The following CDH15 variants were observed in gnomAD, a reference collection of about 807,000 sequenced individuals.
CDH15 encodes the protein cadherin-15.
CDH15 carries 73 observed loss-of-function variants against 69.4 expected under a neutral mutation model. The observed-to-expected ratio is 1.05, with a 90% CI of 0.87 to 1.28. The LOEUF (loss-of-function observed/expected upper bound fraction) is 1.28, where lower values mean the gene tolerates loss of function less well. CDH15 is among the 50% of genes most tolerant of loss of function. CDH15 has a pLI of 0.00. For synonymous variants in CDH15, 624 were observed against 507.7 expected, an observed-to-expected ratio of 1.23 and a Z score of -3.08; for missense variants, 1,343 against 1,133.6, an observed-to-expected ratio of 1.18 and a Z score of -2.65.
In CDH15 at chr16:89,195,379, G is replaced by A. The variant is rs1470043849; in HGVS notation, c.*224G>A. The A allele has an allele frequency of 3.5e-5, 20 of 576,754 alleles. No homozygotes were observed. Among genetic ancestry groups the A allele is most frequent in the Non-Finnish European group, 5.2e-5 (17 of 326,534 alleles). 35.7% of individuals were successfully genotyped at this position (576,754 alleles called of 1,614,324 possible). A position where few individuals can be genotyped will look rare whatever the true frequency, so the allele number is the denominator to read the frequency against. On this transcript the variant is annotated 3_prime_UTR_variant, in exon 14 of 14. Coordinates refer to ENST00000289746, the MANE Select transcript of CDH15 (RefSeq NM_004933.3). Reference sequence around the variant, plus strand: ...GAGTTTCTCTCCATCGGCCCCATGCGGGTCACCTCCCTAGTCCCACCTTTG... The same window carrying A: ...GAGTTTCTCTCCATCGGCCCCATGCAGGTCACCTCCCTAGTCCCACCTTTG...
chr16:89,185,142 G>A (rs748564436), intron 4 of CDH15, 31 bp from the exon 5 acceptor site: 100 of 1,567,516 alleles, frequency 6.4e-5, no homozygotes, highest in Middle Eastern at 1.7e-4. Context: ...CCCTGTGGAC[G>A]TTGGCCCTCA....
At chr16:89,180,744 G>A (rs1374605807) in intron 3 of CDH15, among the ~76,000 whole-genome samples, 3 of 152,144 alleles carry the variant, frequency 2.0e-5, no homozygotes, top group Non-Finnish European at 4.4e-5. Context: ...TTGTTTTTGA[G>A]ATGGAGTCTC....
intron 3 of CDH15, 80 bp from the exon 4 acceptor site, chr16:89,183,468 C>G: frequency 6.6e-7 from 1 of 1,514,914 alleles, no homozygotes. Context: ...TCTGAACGTG[C>G]TGTCTCTTTC....
chr16:89,194,021 C>G (rs1387265379), intron 13 of CDH15, 108 bp downstream of exon 13: 1 of 1,250,848 alleles, frequency 8.0e-7, no homozygotes, highest in East Asian at 2.5e-5. Context: ...CCTGCATGCA[C>G]TTATGGGCCG....
chr16:89,184,891 C>A (rs935153223), intron 4 of CDH15, among the ~76,000 whole-genome samples: 1 of 152,244 alleles, frequency 6.6e-6, no homozygotes, highest in African/African-American at 2.4e-5. Context: ...TGTGCTCCGA[C>A]CCCATAAACA....
chr16:89,191,264 T>A, intron 8 of CDH15, 66 bp from the exon 9 acceptor site: 1 of 1,598,322 alleles, frequency 6.3e-7, no homozygotes, highest in Non-Finnish European at 8.6e-7. Flanking sequence ...CACGCACCCA[T>A]ACCTGACCAC....
At chr16:89,179,253 C>CA (rs1010630145) in intron 1 of CDH15, among the ~76,000 whole-genome samples, 163 bp from the exon 2 acceptor site, 7 of 152,230 alleles carry the variant, frequency 4.6e-5, no homozygotes, top group African/African-American at 1.7e-4. Flanking sequence ...TTGTGCTACG[C>CA]AGCCCCGTGT....
At chr16:89,191,519 G>T in intron 9 of CDH15, 47 bp downstream of exon 9, 1 of 1,605,600 alleles carries the variant, frequency 6.2e-7, no homozygotes, top group Non-Finnish European at 8.5e-7. Flanking sequence ...GCCTTGTCCC[G>T]GCTGAGCACC....
Position 89,192,310 on chromosome 16 carries a change from C to T in CDH15, c.1721C>T (p.Pro574Leu). 6.5e-7 allele frequency: 1 copy of T among 1,535,010 alleles called. No individual in the cohort carries two copies. Among genetic ancestry groups the T allele is most frequent in the South Asian group, 1.2e-5 (1 of 84,076 alleles). Residue 574 changes from proline (P) to leucine (L), a missense_variant, in exon 11 of 14, where the codon CCT becomes CTT. Coordinates refer to ENST00000289746, the MANE Select transcript of CDH15 (RefSeq NM_004933.3). ...SGQPPQQREQPLNVTVCRCGK... is the reference protein window; with the variant it reads ...SGQPPQQREQLLNVTVCRCGK... ...CAGCCGCCCCAGCAGCGCGAGCAGC[C>T]TCTGAACGTGACCGTGTGCCGCTGC...
At chr16:89,181,937 C>CAA (rs762790930) in intron 3 of CDH15, among the ~76,000 whole-genome samples, 3 of 92,884 alleles carry the variant, frequency 3.2e-5, no homozygotes. Flanking sequence ...GACTCTGTCT[C>CAA]AAAAAAAAAA....
chr16:89,191,320 C>T lies in CDH15; in HGVS notation c.1233-10C>T, dbSNP rs752661243. On this transcript the variant is annotated splice_polypyrimidine_tract_variant and intron_variant, in intron 8 of 13. Coordinates refer to ENST00000289746, the MANE Select transcript of CDH15 (RefSeq NM_004933.3). ...AACTCAGATCCCACTCTTCCCCTCC[C>T]CTGCATCAGCTACTCCAAGGACTAC... The T allele has an allele frequency of 1.2e-6, 2 of 1,612,678 alleles. No individual in the cohort carries two copies. The highest frequency in any genetic ancestry group is 1.7e-6 in the Non-Finnish European group (2 of 1,180,004).
intron 8 of CDH15, among the ~76,000 whole-genome samples, chr16:89,190,937 C>T (rs1330844838): frequency 6.6e-6 from 1 of 152,188 alleles, no homozygotes; most frequent in African/African-American, 2.4e-5. Flanking sequence ...AGTTTCCTCA[C>T]CTCACAGAAG....
In CDH15 at chr16:89,189,333, A is replaced by G. The variant is rs375609464; in HGVS notation, c.979-910A>G. Among the ~76,000 whole-genome samples the G allele has an allele frequency of 6.4e-3, 756 of 118,448 alleles. 1 individual carries two copies. The highest frequency in any genetic ancestry group is 8.5e-3 in the Non-Finnish European group (422 of 49,676). The allele number at this position is 118,448 out of a possible 152,430, so 77.7% of individuals were successfully genotyped here. A position where few individuals can be genotyped will look rare whatever the true frequency, so the allele number is the denominator to read the frequency against. On this transcript the variant is annotated intron_variant, in intron 7 of 13. Coordinates refer to ENST00000289746, the MANE Select transcript of CDH15 (RefSeq NM_004933.3). ...TGCCGGCACACACACATGCCGGCAC[A>G]CACAGATGCCCACACACAGATGCCG...
chr16:89,186,860 CGCTT>C (rs762374837), intron 5 of CDH15, among the ~76,000 whole-genome samples: 235 of 146,938 alleles, frequency 1.6e-3, no homozygotes, highest in Non-Finnish European at 2.6e-3. Flanking sequence ...GCTCTGTAAA[CGCTT>C]ACCCAGCGCA....
intron 3 of CDH15, among the ~76,000 whole-genome samples, chr16:89,180,987 T>TTTTTTTTTTTTTTTTTTG (rs1567771866): frequency 1.3e-5 from 2 of 149,784 alleles, no homozygotes; most frequent in African/African-American, 2.5e-5. Flanking sequence ...TTTTTTTTTT[T>TTTTTTTTTTTTTTTTTTG]GAGATGGAGC....
chr16:89,176,391 C>T (rs1412938737), intron 1 of CDH15, among the ~76,000 whole-genome samples: 1 of 151,964 alleles, frequency 6.6e-6, no homozygotes, highest in East Asian at 1.9e-4. Context: ...GGGGGAGGGG[C>T]GGCCCAGCTG....
In CDH15 at chr16:89,177,768, C is replaced by T. The variant is rs959833648; in HGVS notation, c.43-1648C>T. ...GGTGACCCCCATGTCCGTGCCGAGC[C>T]GAGTGGGGTCAGCCCAGAGCCATGT... On this transcript the variant is annotated intron_variant, in intron 1 of 13. Transcript: ENST00000289746. Among the ~76,000 whole-genome samples, 9 of 152,326 alleles carry T rather than the reference C, an allele frequency of 5.9e-5. No homozygotes were observed. In the South Asian group the frequency reaches 1.0e-3, roughly 18 times the overall value.
At chr16:89,175,116 G>A (rs960186340) in intron 1 of CDH15, among the ~76,000 whole-genome samples, 3 of 152,134 alleles carry the variant, frequency 2.0e-5, no homozygotes, top group African/African-American at 7.2e-5. Context: ...CTGTGACCTG[G>A]TGAACTCAGG....
chr16:89,187,464 G>A lies in CDH15; in HGVS notation c.699G>A (p.Ala233=), dbSNP rs765916491. The change falls in exon 6 of 14, where the codon GCG becomes GCA. Residue 233 remains alanine, a synonymous_variant. Transcript: ENST00000289746. The part of the protein sequence containing the change: ...VAVYNLTLQV[A]DMSGDGLTAT... ...TGTACAATCTGACCCTGCAGGTGGCGGACATGTCTGGAGACGGCCTCACAG... is the reference window on the plus strand; with the variant it reads ...TGTACAATCTGACCCTGCAGGTGGCAGACATGTCTGGAGACGGCCTCACAG... 42 of 1,613,386 alleles carry A rather than the reference G, an allele frequency of 2.6e-5. No individual in the cohort carries two copies. Among genetic ancestry groups the A allele is most frequent in the Middle Eastern group, 1.6e-4 (1 of 6,084 alleles).
Sources: gnomAD v4.1 joint callset for allele counts (sites outside exome capture counted in the v4.1 genomes callset) on GRCh38, gnomAD v4.1.1 for gene constraint, MANE v1.5 for transcripts, NCBI Gene and HGNC (gene_info 2026-07-23, HGNC 2026-07-21) for gene names.